The following SPIDR variants were observed in gnomAD, a reference collection of about 807,000 sequenced individuals.
The protein encoded by SPIDR is scaffold protein involved in DNA repair.
A neutral mutation model predicts 104.6 loss-of-function variants in SPIDR; 93 were observed. That is an observed-to-expected ratio of 0.89 (90% CI 0.75 to 1.06). The LOEUF is 1.06. SPIDR is among the 50% of genes least tolerant of loss of function. SPIDR has a pLI of 0.00. For synonymous variants in SPIDR, 431 were observed against 416.9 expected (o/e 1.03, Z -0.41); for missense variants, 1,154 against 1,111.2 (o/e 1.04, Z -0.55).
intron 2 of SPIDR, among the ~76,000 whole-genome samples, chr8:47,282,664 A>G (rs1199536591): frequency 2.0e-5 from 3 of 152,210 alleles, no homozygotes; most frequent in East Asian, 1.9e-4. Flanking sequence ...AAAACTTTCT[A>G]TTAGCAATAA....
intron 10 of SPIDR, among the ~76,000 whole-genome samples, chr8:47,624,433 T>C (rs1241843462): frequency 6.6e-6 from 1 of 152,028 alleles, no homozygotes. Context: ...CTTCAAAAAA[T>C]TAATGAATCC....
At chr8:47,423,595 C>T (rs189442242) in intron 7 of SPIDR, among the ~76,000 whole-genome samples, 2 of 151,898 alleles carry the variant, frequency 1.3e-5, no homozygotes, top group Admixed American at 6.6e-5. Context: ...GAGCAAGACC[C>T]TGTCTGAAAA....
chr8:47,552,950 G>A (rs926329962), intron 8 of SPIDR, among the ~76,000 whole-genome samples: 1 of 152,160 alleles, frequency 6.6e-6, no homozygotes, highest in Non-Finnish European at 1.5e-5. Flanking sequence ...TTGCATGGCA[G>A]GCCTGGTGGT....
intron 6 of SPIDR, among the ~76,000 whole-genome samples, chr8:47,402,863 A>G (rs782707729): frequency 2.6e-5 from 4 of 152,248 alleles, no homozygotes; most frequent in African/African-American, 4.8e-5. Flanking sequence ...TGAGGCCAGC[A>G]TCATCCTGAT....
In SPIDR at chr8:47,712,756, C is replaced by T; in HGVS notation, c.2072C>T (p.Pro691Leu). The change falls in exon 15 of 20, where the codon CCC (proline) becomes CTC (leucine). Residue 691 changes from proline (P) to leucine (L), a missense_variant. By Grantham distance (98) the Pro-to-Leu change is moderately conservative. Coordinates refer to ENST00000297423, the MANE Select transcript of SPIDR (RefSeq NM_001080394.4). ...AAGGAGGAGAGAGACCCCAGGCTCC[C>T]CAAAACCCTGCTGGTCTATGTGGCC... Reference protein sequence around the residue: ...QTKEERDPRLPKTLLVYVAPL... With the variant: ...QTKEERDPRLLKTLLVYVAPL... 6.2e-7 allele frequency: 1 copy of T among 1,614,142 alleles called. No homozygotes were observed. Among genetic ancestry groups the T allele is most frequent in the Non-Finnish European group, 8.5e-7 (1 of 1,180,030 alleles).
intron 11 of SPIDR, among the ~76,000 whole-genome samples, chr8:47,684,126 C>CAAAAA (rs748328609): frequency 1.0e-4 from 4 of 38,116 alleles, no homozygotes; most frequent in Non-Finnish European, 2.0e-4. Context: ...GACTCTGTCT[C>CAAAAA]AAAAAAAAAA....
intron 8 of SPIDR, among the ~76,000 whole-genome samples, chr8:47,523,802 A>G (rs1472120753): frequency 1.3e-5 from 2 of 152,220 alleles, no homozygotes; most frequent in Non-Finnish European, 2.9e-5. Context: ...TCAGGAAAAC[A>G]GAAGTGTGGT....
At chr8:47,715,715 T>A (rs976296441) in intron 16 of SPIDR, among the ~76,000 whole-genome samples, 1 of 152,196 alleles carries the variant, frequency 6.6e-6, no homozygotes, top group Non-Finnish European at 1.5e-5. Flanking sequence ...ATATGCCACA[T>A]TTTGTTTATC....
intron 10 of SPIDR, among the ~76,000 whole-genome samples, chr8:47,617,319 A>G (rs1588438288): frequency 6.6e-6 from 1 of 152,228 alleles, no homozygotes; most frequent in East Asian, 1.9e-4. Flanking sequence ...GATAGTCTGA[A>G]GCAAGAGCAT....
chr8:47,383,899 C>T (rs1368058908), intron 5 of SPIDR, among the ~76,000 whole-genome samples: 3 of 152,132 alleles, frequency 2.0e-5, no homozygotes, highest in Admixed American at 6.5e-5. Context: ...GACAGAAATT[C>T]CAGGTAGTCT....
chr8:47,611,979 G>A (rs1274714657), intron 10 of SPIDR, among the ~76,000 whole-genome samples: 1 of 152,194 alleles, frequency 6.6e-6, no homozygotes, highest in Non-Finnish European at 1.5e-5. Context: ...AGGCAACTGT[G>A]TGAGGCCTTC....
intron 10 of SPIDR, among the ~76,000 whole-genome samples, chr8:47,637,196 C>G (rs139947054): frequency 6.6e-6 from 1 of 152,346 alleles, no homozygotes; most frequent in East Asian, 1.9e-4. Context: ...TCTCCTCAGG[C>G]TCCTCTTGGC....
chr8:47,351,413 C>G (rs904015503), intron 5 of SPIDR, among the ~76,000 whole-genome samples: 1 of 151,918 alleles, frequency 6.6e-6, no homozygotes, highest in African/African-American at 2.4e-5. Flanking sequence ...TTTTGAAGAC[C>G]GAGTGGGATT....
intron 8 of SPIDR, among the ~76,000 whole-genome samples, chr8:47,539,575 G>A (rs1015479454): frequency 6.6e-6 from 1 of 151,978 alleles, no homozygotes; most frequent in East Asian, 1.9e-4. Flanking sequence ...CTTTTTGGTG[G>A]TTTTTCTGGC....
intron 5 of SPIDR, among the ~76,000 whole-genome samples, chr8:47,381,014 T>TAC (rs2059265610): frequency 6.6e-6 from 1 of 152,210 alleles, no homozygotes; most frequent in Admixed American, 6.5e-5. Context: ...GAGTCCAATA[T>TAC]ACTCTTTATT....
intron 10 of SPIDR, among the ~76,000 whole-genome samples, chr8:47,624,511 G>A (rs2065698076): frequency 6.6e-6 from 1 of 152,090 alleles, no homozygotes; most frequent in African/African-American, 2.4e-5. Flanking sequence ...AAGAAGAAAA[G>A]AGAGAAGAAT....
At chr8:47,684,339 G>A (rs1479396839) in intron 11 of SPIDR, among the ~76,000 whole-genome samples, 2 of 152,040 alleles carry the variant, frequency 1.3e-5, no homozygotes, top group Non-Finnish European at 2.9e-5. Context: ...GACTGTGAGG[G>A]CCAAGCTTAC....
intron 9 of SPIDR, 131 bp downstream of exon 9, chr8:47,596,137 T>A: frequency 1.4e-6 from 1 of 716,872 alleles, no homozygotes; most frequent in East Asian, 2.7e-5. Flanking sequence ...GGATGTATGC[T>A]GCATGAACTT....
At chr8:47,410,028 T>TA (rs1422309501) in intron 7 of SPIDR, among the ~76,000 whole-genome samples, 17 of 152,086 alleles carry the variant, frequency 1.1e-4, no homozygotes. Context: ...ACCCTGTCTC[T>TA]AAAAAAATAC....
Sources: allele counts gnomAD v4.1 joint callset (sites outside exome capture counted in the v4.1 genomes callset), GRCh38; gene constraint gnomAD v4.1.1; transcripts MANE v1.5; gene names NCBI Gene and HGNC (gene_info 2026-07-23, HGNC 2026-07-21).